Variants in SLC2A13 observed in about 807,000 individuals in gnomAD.
SLC2A13 encodes solute carrier family 2 member 13, also known as proton myo-inositol cotransporter.
In SLC2A13, 32 loss-of-function variants were observed where a neutral mutation model predicts 64.4. The ratio of observed to expected loss-of-function variants is 0.50; its 90% CI spans 0.37 to 0.67. The LOEUF (loss-of-function observed/expected upper bound fraction) is 0.67. Ranked by LOEUF, SLC2A13 falls within the 30% of genes least tolerant of loss-of-function variation. The probability of loss-of-function intolerance (pLI) is 0.00; values close to 1 mark genes in which losing one functional copy is unlikely to be tolerated. For missense variants in SLC2A13, 743 were observed against 829.2 expected, an observed-to-expected ratio of 0.90 and a Z score of 1.28; for synonymous variants, 338 against 327.1, an observed-to-expected ratio of 1.03 and a Z score of -0.36.
chr12:39,948,182 G>A (rs954947888), intron 4 of SLC2A13, among the ~76,000 whole-genome samples: 3 of 152,064 alleles, frequency 2.0e-5, no homozygotes, highest in African/African-American at 7.2e-5. Flanking sequence ...TAGGATGAGA[G>A]TCATATTATA....
At chr12:39,816,616 A>G (rs2135817271) in intron 7 of SLC2A13, among the ~76,000 whole-genome samples, 1 of 133,018 alleles carries the variant, frequency 7.5e-6, no homozygotes, top group Non-Finnish European at 1.7e-5. Context: ...AGGGTAAGTA[A>G]TACAAGAATT....
intron 2 of SLC2A13, among the ~76,000 whole-genome samples, chr12:40,037,131 A>T (rs946744295): frequency 2.0e-5 from 3 of 152,054 alleles, no homozygotes; most frequent in Admixed American, 6.6e-5. Context: ...CAGTTTTATT[A>T]ATTTTTTGTT....
At chr12:39,773,814 C>A (rs1267415596) in intron 7 of SLC2A13, among the ~76,000 whole-genome samples, 16 of 152,184 alleles carry the variant, frequency 1.1e-4, no homozygotes, top group Admixed American at 1.0e-3. Context: ...ATGTATGAAA[C>A]TTAGTTCCCT....
intron 4 of SLC2A13, among the ~76,000 whole-genome samples, chr12:39,876,737 A>G (rs981163160): frequency 2.6e-5 from 4 of 152,180 alleles, no homozygotes; most frequent in Non-Finnish European, 5.9e-5. Context: ...AGCTCATAAT[A>G]CAGACAATTT....
intron 4 of SLC2A13, among the ~76,000 whole-genome samples, chr12:39,928,637 G>A (rs1043917400): frequency 3.9e-5 from 6 of 152,120 alleles, no homozygotes; most frequent in Admixed American, 2.6e-4. Context: ...TATGAAAGAT[G>A]TTCAGTTAAA....
chr12:39,980,269 C>T (rs1398711915), intron 3 of SLC2A13, among the ~76,000 whole-genome samples: 1 of 151,370 alleles, frequency 6.6e-6, no homozygotes, highest in Non-Finnish European at 1.5e-5. Context: ...CATCAACTAA[C>T]AAGCAAAATC....
chr12:39,851,865 G>T (rs567377142), intron 6 of SLC2A13, among the ~76,000 whole-genome samples: 3 of 152,258 alleles, frequency 2.0e-5, no homozygotes. Context: ...TTTTAAAAAT[G>T]AGATTATTTT....
intron 1 of SLC2A13, among the ~76,000 whole-genome samples, chr12:40,067,548 T>C (rs1248082660): frequency 6.6e-6 from 1 of 152,186 alleles, no homozygotes; most frequent in Non-Finnish European, 1.5e-5. Context: ...TTTAAACCAT[T>C]TTATTTATAC....
intron 3 of SLC2A13, among the ~76,000 whole-genome samples, chr12:39,998,854 C>G (rs951505148): frequency 2.0e-5 from 3 of 151,932 alleles, no homozygotes; most frequent in African/African-American, 7.3e-5. Context: ...TGGCTGTGTC[C>G]CCACCCAAAT....
intron 4 of SLC2A13, among the ~76,000 whole-genome samples, chr12:39,893,808 C>G (rs535016121): frequency 6.6e-6 from 1 of 152,084 alleles, no homozygotes; most frequent in East Asian, 1.9e-4. Flanking sequence ...TACTTTAAGC[C>G]CACAAAATAA....
chr12:39,867,836 G>T (rs1943947450), intron 5 of SLC2A13, among the ~76,000 whole-genome samples: 1 of 152,228 alleles, frequency 6.6e-6, no homozygotes, highest in East Asian at 1.9e-4. Flanking sequence ...CAGAAGATCA[G>T]TACAAAATAT....
intron 4 of SLC2A13, among the ~76,000 whole-genome samples, chr12:39,941,225 A>G (rs1394573017): frequency 1.3e-5 from 2 of 152,170 alleles, no homozygotes; most frequent in South Asian, 4.1e-4. Flanking sequence ...TTGTGCTGCT[A>G]TAAACATGCG....
intron 1 of SLC2A13, among the ~76,000 whole-genome samples, chr12:40,054,064 T>A (rs1948300037): frequency 6.6e-6 from 1 of 152,188 alleles, no homozygotes. Flanking sequence ...TATTATGTAT[T>A]TGTGTAATTC....
chr12:40,105,686 G>A lies in SLC2A13; in HGVS notation c.123C>T (p.Leu41=). ...TGGTGCTCGATTCGGCGGCAGCCAG[G>A]AGGCTGCACTCCCCGGCCGCGCTCG... The part of the protein sequence containing the change: ...DAASAAGECS[L]LAAAESSTSL... The change falls in exon 1 of 10, where the codon CTC becomes CTT. Residue 41 remains leucine (L), a synonymous_variant. Coordinates refer to ENST00000280871, the MANE Select transcript of SLC2A13 (RefSeq NM_052885.4). This position sits in a 1 kb window ranked among gnomAD's most constrained non-coding sequence, Gnocchi z 4.2. The A allele has an allele frequency of 6.7e-7, 1 of 1,488,806 alleles. No individual in the cohort carries two copies. Among genetic ancestry groups the A allele is most frequent in the Non-Finnish European group, 8.9e-7 (1 of 1,121,272 alleles). 92.2% of individuals were successfully genotyped at this position (1,488,806 alleles called of 1,614,324 possible).
intron 4 of SLC2A13, among the ~76,000 whole-genome samples, chr12:39,899,575 G>A (rs1945028481): frequency 6.6e-6 from 1 of 151,752 alleles, no homozygotes. Context: ...GTGATGTTAG[G>A]GTGTCAATTT....
chr12:39,765,935 T>A (rs2135715497), intron 7 of SLC2A13, among the ~76,000 whole-genome samples: 1 of 152,216 alleles, frequency 6.6e-6, no homozygotes, highest in South Asian at 2.1e-4. Context: ...TGTCCATGTG[T>A]TCTCATTGTT....
intron 4 of SLC2A13, chr12:39,949,424 T>A (rs904073807): frequency 3.9e-5 from 6 of 152,198 alleles, no homozygotes; most frequent in Non-Finnish European, 7.4e-5. Flanking sequence ...GCAAAGTGCA[T>A]CTATCATAAA....
chr12:39,838,962 A>C (rs1487981963), intron 6 of SLC2A13, among the ~76,000 whole-genome samples: 1 of 152,092 alleles, frequency 6.6e-6, no homozygotes, highest in African/African-American at 2.4e-5. Context: ...ATGGTGGCAA[A>C]CACAGATGTA....
chr12:39,855,507 C>T (rs1236867163), intron 6 of SLC2A13, among the ~76,000 whole-genome samples: 2 of 152,190 alleles, frequency 1.3e-5, no homozygotes, highest in Non-Finnish European at 2.9e-5. Context: ...CTTCATTACA[C>T]TGTTTTGCAA....
Sources: allele counts gnomAD v4.1 joint callset (sites outside exome capture counted in the v4.1 genomes callset), GRCh38; gene constraint gnomAD v4.1.1; non-coding constraint Gnocchi (gnomAD v3.1); transcripts MANE v1.5; gene names NCBI Gene and HGNC (gene_info 2026-07-23, HGNC 2026-07-21).